The following CRACD variants were observed in gnomAD, a reference collection of about 807,000 sequenced individuals.
The protein encoded by CRACD is capping protein-inhibiting regulator of actin dynamics.
A neutral mutation model predicts 106.8 loss-of-function variants in CRACD; 56 were observed. The observed-to-expected ratio is 0.52, with a 90% confidence interval of 0.42 to 0.66. The LOEUF (loss-of-function observed/expected upper bound fraction) is 0.66, where lower values mean the gene tolerates loss of function less well. CRACD is among the 30% of genes least tolerant of loss of function. The probability of loss-of-function intolerance (pLI) is 0.00; values close to 1 mark genes in which losing one functional copy is unlikely to be tolerated. For missense variants in CRACD, 1,730 were observed against 1,623.2 expected (o/e 1.07, Z -1.13); for synonymous variants, 754 against 670.8 (o/e 1.12, Z -1.92).
At chr4:56,112,583 C>T (rs1013273556) in intron 1 of CRACD, among the ~76,000 whole-genome samples, 2 of 152,138 alleles carry the variant, frequency 1.3e-5, no homozygotes, top group Non-Finnish European at 1.5e-5. Flanking sequence ...GAACACCATT[C>T]AGTTCATCCC....
chr4:56,236,064 C>T (rs1169626256), intron 2 of CRACD, among the ~76,000 whole-genome samples: 1 of 152,134 alleles, frequency 6.6e-6, no homozygotes, highest in Admixed American at 6.5e-5. Context: ...TCCCCAGGAC[C>T]TCAGAATGTG....
At chr4:56,178,275 C>A (rs576714588) in intron 1 of CRACD, among the ~76,000 whole-genome samples, 1 of 152,160 alleles carries the variant, frequency 6.6e-6, no homozygotes, top group Non-Finnish European at 1.5e-5. Flanking sequence ...GTAAGTTGGA[C>A]AAAAGGTCCG....
At chr4:56,317,321 T>G (rs941601500) in intron 8 of CRACD, among the ~76,000 whole-genome samples, 6 of 152,184 alleles carry the variant, frequency 3.9e-5, no homozygotes, top group African/African-American at 1.4e-4. Flanking sequence ...TGGTGTGGGA[T>G]TCCCGAAAGA....
intron 1 of CRACD, among the ~76,000 whole-genome samples, chr4:56,134,807 A>G (rs1261629752): frequency 6.6e-6 from 1 of 152,216 alleles, no homozygotes; most frequent in East Asian, 1.9e-4. Context: ...AGAATTCTGT[A>G]TAGATCAGAT....
At chr4:56,231,670 G>A (rs369220308) in intron 2 of CRACD, among the ~76,000 whole-genome samples, 2 of 152,330 alleles carry the variant, frequency 1.3e-5, no homozygotes, top group East Asian at 3.9e-4. Context: ...CCACAAGCCA[G>A]ATACAAAAGA....
chr4:56,055,836 C>G (rs1328801052), intron 1 of CRACD, among the ~76,000 whole-genome samples: 1 of 152,112 alleles, frequency 6.6e-6, no homozygotes, highest in Non-Finnish European at 1.5e-5. Flanking sequence ...TAACCCAGGC[C>G]AGCCATCTGG....
intron 1 of CRACD, among the ~76,000 whole-genome samples, chr4:56,096,963 C>T: frequency 6.6e-6 from 1 of 152,068 alleles, no homozygotes; most frequent in Non-Finnish European, 1.5e-5. Flanking sequence ...TATTTGTTCC[C>T]ATTTGCTAGT....
At chr4:56,207,744 TCATA>T (rs1373607150) in intron 2 of CRACD, among the ~76,000 whole-genome samples, 1 of 71,152 alleles carries the variant, frequency 1.4e-5, no homozygotes, top group African/African-American at 6.5e-5. Context: ...ACTTGTTTTC[TCATA>T]TATATATATA....
intron 1 of CRACD, among the ~76,000 whole-genome samples, chr4:56,098,918 C>A (rs1733685809): frequency 6.6e-6 from 1 of 152,096 alleles, no homozygotes; most frequent in African/African-American, 2.4e-5. Context: ...CAGGTGATCT[C>A]CCCACCTTGG....
At chr4:56,153,620 C>CA (rs1160451762) in intron 1 of CRACD, among the ~76,000 whole-genome samples, 1 of 152,156 alleles carries the variant, frequency 6.6e-6, no homozygotes, top group East Asian at 1.9e-4. Flanking sequence ...CAGAGCATGT[C>CA]ACGTCCTTGC....
At chr4:56,168,237 TG>T (rs1279218501) in intron 1 of CRACD, among the ~76,000 whole-genome samples, 1 of 152,194 alleles carries the variant, frequency 6.6e-6, no homozygotes, top group East Asian at 1.9e-4. Flanking sequence ...GAAACTGTCT[TG>T]TATTCCCAGT....
rs375156292 is a variant in CRACD at position 56,299,927 on chromosome 4, A to G, written c.120+1578A>G. 4.5e-4 allele frequency among the ~76,000 whole-genome samples: 68 copies of G among 152,198 alleles called. No homozygotes were observed. In the South Asian group the frequency reaches 6.2e-3, roughly 14 times the overall value. On this transcript the variant is annotated intron_variant, in intron 4 of 10. Transcript: ENST00000682029. Reference sequence around the variant, plus strand: ...AGCACTGTACTCAGTAGAGATCAGCAGGAGATCGAGACCATCCTGGCTAAC... The same window carrying G: ...AGCACTGTACTCAGTAGAGATCAGCGGGAGATCGAGACCATCCTGGCTAAC...
At chr4:56,226,208 A>G (rs1456680642) in intron 2 of CRACD, among the ~76,000 whole-genome samples, 1 of 152,224 alleles carries the variant, frequency 6.6e-6, no homozygotes, top group East Asian at 1.9e-4. Flanking sequence ...GACTCTGACT[A>G]TCCCAGAGGA....
At chr4:56,323,283 G>A (rs1378351473) in intron 8 of CRACD, 94 bp from the exon 9 acceptor site, 3 of 1,109,164 alleles carry the variant, frequency 2.7e-6, no homozygotes, top group Non-Finnish European at 4.0e-6. Flanking sequence ...ATGCCATAGG[G>A]TTATTAATAT....
chr4:56,167,246 C>T (rs1313800913), intron 1 of CRACD, among the ~76,000 whole-genome samples: 2 of 152,066 alleles, frequency 1.3e-5, no homozygotes, highest in Admixed American at 6.5e-5. Context: ...TATTAAAAAG[C>T]ACGTGACAGA....
intron 2 of CRACD, among the ~76,000 whole-genome samples, chr4:56,265,716 A>G (rs563691987): frequency 2.0e-5 from 3 of 152,200 alleles, no homozygotes; most frequent in Non-Finnish European, 4.4e-5. Flanking sequence ...TTTTGCCTGG[A>G]TTCTCAAAAA....
At chr4:56,306,085 G>A (rs545584974) in intron 4 of CRACD, among the ~76,000 whole-genome samples, 1 of 152,190 alleles carries the variant, frequency 6.6e-6, no homozygotes, top group African/African-American at 2.4e-5. Flanking sequence ...CGTAAGCTTG[G>A]GCCAGTCACC....
rs1745567309 is a variant in CRACD at position 56,315,596 on chromosome 4, T to A, written c.2094T>A (p.Thr698=). ...RDQLRPGDES[T]PRGRCDSRGN... is the part of the protein sequence containing the mutation. ...AGTTGAGGCCCGGTGATGAGTCCACTCCCAGGGGCCGGTGTGATTCCCGCG... is the reference window on the plus strand; with the variant it reads ...AGTTGAGGCCCGGTGATGAGTCCACACCCAGGGGCCGGTGTGATTCCCGCG... Residue 698 remains threonine (T), a synonymous_variant, in exon 8 of 11, where the codon ACT becomes ACA. Coordinates refer to ENST00000682029, the MANE Select transcript of CRACD (RefSeq NM_001393381.1). This position sits in a 1 kb window ranked among gnomAD's most constrained non-coding sequence, Gnocchi z 4.1. 1 of 1,613,874 alleles carries A rather than the reference T, an allele frequency of 6.2e-7. No homozygotes were observed. The highest frequency in any genetic ancestry group is 1.3e-5 in the African/African-American group (1 of 74,882).
intron 2 of CRACD, among the ~76,000 whole-genome samples, chr4:56,229,735 A>T (rs1257737549): frequency 6.6e-6 from 1 of 152,178 alleles, no homozygotes; most frequent in Non-Finnish European, 1.5e-5. Context: ...AATGTACTGT[A>T]TGGTACCTTC....
Sources: allele counts gnomAD v4.1 joint callset (sites outside exome capture counted in the v4.1 genomes callset), GRCh38; gene constraint gnomAD v4.1.1; non-coding constraint Gnocchi (gnomAD v3.1); transcripts MANE v1.5; gene names NCBI Gene and HGNC (gene_info 2026-07-23, HGNC 2026-07-21).